Variants in RALGPS1 observed in about 807,000 individuals in gnomAD.
RALGPS1 encodes the protein Ral GEF with PH domain and SH3 binding motif 1.
A neutral mutation model predicts 78.8 loss-of-function variants in RALGPS1; 19 were observed. That is an observed-to-expected ratio of 0.24 (90% CI 0.17 to 0.35). The LOEUF (loss-of-function observed/expected upper bound fraction) is 0.35, where lower values mean the gene tolerates loss of function less well. RALGPS1 is among the 10% of genes least tolerant of loss of function. RALGPS1 has a pLI of 1.00. For synonymous variants in RALGPS1, 228 were observed against 256.3 expected (o/e 0.89, Z 1.06); for missense variants, 454 against 688.3 (o/e 0.66, Z 3.81).
intron 7 of RALGPS1, among the ~76,000 whole-genome samples, chr9:127,053,271 C>T (rs1450048124): frequency 1.3e-5 from 2 of 152,180 alleles, no homozygotes; most frequent in Non-Finnish European, 2.9e-5. Context: ...AGGCTCCAAA[C>T]TGTCCTTGGG....
chr9:127,192,847 G>C (rs1412319241), intron 11 of RALGPS1, among the ~76,000 whole-genome samples: 3 of 152,194 alleles, frequency 2.0e-5, no homozygotes, highest in African/African-American at 4.8e-5. Context: ...AGAAGCAGGA[G>C]AGTGTGGCAT....
At position 127,178,860 on chromosome 9, in the gene RALGPS1, T is replaced by TCCGTGGCACTTCCTTCTGCC. The variant is rs2060043417; in HGVS notation, c.910+4080_910+4081insGTGGCACTTCCTTCTGCCCC. On this transcript the variant is annotated intron_variant, in intron 11 of 18. Coordinates refer to ENST00000259351, the MANE Select transcript of RALGPS1 (RefSeq NM_014636.3). The stretch of plus-strand genomic sequence containing the variant: ...TCCTTCCTGCAACTGGCCCTCATGC[T>TCCGTGGCACTTCCTTCTGCC]CCTCCGTGGCACTTCCTTCTGCAGT... Among the ~76,000 whole-genome samples, 4 of 152,036 alleles carry TCCGTGGCACTTCCTTCTGCC rather than the reference T, an allele frequency of 2.6e-5. No individual in the cohort carries two copies. The South Asian group carries it at 8.3e-4, about 32-fold the overall frequency.
intron 5 of RALGPS1, among the ~76,000 whole-genome samples, chr9:127,046,060 T>C (rs996032357): frequency 2.6e-5 from 4 of 152,160 alleles, no homozygotes; most frequent in African/African-American, 9.7e-5. Flanking sequence ...GTCAAAGGGA[T>C]GCAGGAGCCA....
chr9:126,967,626 T>A (rs1270085121), intron 3 of RALGPS1, among the ~76,000 whole-genome samples: 1 of 152,152 alleles, frequency 6.6e-6, no homozygotes, highest in Non-Finnish European at 1.5e-5. Context: ...AGCCTCAATC[T>A]CCCTGGCTCA....
In RALGPS1 at chr9:127,091,561, G is replaced by A; in HGVS notation, c.610+22205G>A. ...CAGGGTCAGGCAGCTTGGCCCAGCT[G>A]CTTCTCACCCTGGGATCTTCCCGTT... On this transcript the variant is annotated intron_variant, in intron 8 of 18. Coordinates refer to ENST00000259351, the MANE Select transcript of RALGPS1 (RefSeq NM_014636.3). The surrounding 1 kb of genome is among the most constrained non-coding windows in gnomAD (Gnocchi z 4.3). 2 of 1,452,012 alleles carry A rather than the reference G, an allele frequency of 1.4e-6. No homozygotes were observed. Among genetic ancestry groups the A allele is most frequent in the Non-Finnish European group, 1.9e-6 (2 of 1,079,132 alleles). 89.9% of individuals were successfully genotyped at this position (1,452,012 alleles called of 1,614,324 possible). A position where few individuals can be genotyped will look rare whatever the true frequency, so the allele number is the denominator to read the frequency against.
intron 5 of RALGPS1, among the ~76,000 whole-genome samples, chr9:127,043,307 A>C (rs535125321): frequency 1.9e-4 from 29 of 152,116 alleles, no homozygotes; most frequent in Non-Finnish European, 3.5e-4. Context: ...ACCTACACAA[A>C]TATGGTCAGC....
At chr9:127,107,460 G>T (rs539246976) in intron 8 of RALGPS1, among the ~76,000 whole-genome samples, 3 of 152,212 alleles carry the variant, frequency 2.0e-5, no homozygotes, top group Non-Finnish European at 4.4e-5. Flanking sequence ...CCTACAATGT[G>T]TTTATCATAT....
chr9:127,207,636 G>A (rs555441367), intron 14 of RALGPS1, among the ~76,000 whole-genome samples: 4 of 152,342 alleles, frequency 2.6e-5, no homozygotes, highest in East Asian at 1.9e-4. Context: ...AGACACTTTC[G>A]GTTGTCTGGT....
At chr9:127,165,837 A>G (rs900461192) in intron 8 of RALGPS1, among the ~76,000 whole-genome samples, 1 of 152,252 alleles carries the variant, frequency 6.6e-6, no homozygotes, top group Non-Finnish European at 1.5e-5. Flanking sequence ...TGAACTAGAA[A>G]TGCTAAAATC....
At chr9:127,116,201 T>G (rs1281894522) in intron 8 of RALGPS1, among the ~76,000 whole-genome samples, 1 of 152,086 alleles carries the variant, frequency 6.6e-6, no homozygotes, top group Non-Finnish European at 1.5e-5. Context: ...GGAGTAGCAC[T>G]GGGGGTTCGA....
intron 1 of RALGPS1, among the ~76,000 whole-genome samples, chr9:126,952,572 G>T (rs926264246): frequency 2.6e-5 from 4 of 152,056 alleles, no homozygotes; most frequent in African/African-American, 9.7e-5. Flanking sequence ...AGAGTAATGG[G>T]TGCCCTAGTG....
At chr9:127,024,496 T>G (rs2045787651) in intron 4 of RALGPS1, among the ~76,000 whole-genome samples, 1 of 151,632 alleles carries the variant, frequency 6.6e-6, no homozygotes, top group Admixed American at 6.6e-5. Context: ...CATTGCCTAA[T>G]TAATGAGCTT....
chr9:127,007,261 A>G (rs1414241502), intron 4 of RALGPS1, among the ~76,000 whole-genome samples: 1 of 152,232 alleles, frequency 6.6e-6, no homozygotes, highest in African/African-American at 2.4e-5. Context: ...TACTTTTTCC[A>G]AACACTTTGC....
intron 8 of RALGPS1, among the ~76,000 whole-genome samples, chr9:127,092,366 G>A (rs1306749165): frequency 6.6e-6 from 1 of 152,102 alleles, no homozygotes; most frequent in Non-Finnish European, 1.5e-5. Context: ...AAGCTGTAAC[G>A]CACCAGACGG....
At chr9:127,099,917 G>A (rs1221454570) in intron 8 of RALGPS1, among the ~76,000 whole-genome samples, 2 of 152,236 alleles carry the variant, frequency 1.3e-5, no homozygotes, top group African/African-American at 4.8e-5. Context: ...GGGCCAATGA[G>A]TGTTTCAGGA....
intron 8 of RALGPS1, among the ~76,000 whole-genome samples, chr9:127,081,045 G>A (rs2051120272): frequency 6.6e-6 from 1 of 152,204 alleles, no homozygotes; most frequent in Non-Finnish European, 1.5e-5. Flanking sequence ...AGTGCTGGAA[G>A]TGGAATTGCT....
At chr9:127,203,317 T>G (rs1268877997) in intron 14 of RALGPS1, among the ~76,000 whole-genome samples, 1 of 152,216 alleles carries the variant, frequency 6.6e-6, no homozygotes. Flanking sequence ...GAAAAACAAT[T>G]AACATTTAAC....
At chr9:127,025,389 G>A (rs2045880797) in intron 4 of RALGPS1, among the ~76,000 whole-genome samples, 2 of 152,094 alleles carry the variant, frequency 1.3e-5, no homozygotes, top group Admixed American at 1.3e-4. Context: ...GACATATATT[G>A]GTATTGGGTA....
At chr9:127,015,305 A>G (rs1412552204) in intron 4 of RALGPS1, among the ~76,000 whole-genome samples, 2 of 152,140 alleles carry the variant, frequency 1.3e-5, no homozygotes, top group African/African-American at 4.8e-5. Flanking sequence ...CTGAATCTCA[A>G]TTTTAGTTAT....
Sources: allele counts gnomAD v4.1 joint callset (sites outside exome capture counted in the v4.1 genomes callset), GRCh38; gene constraint gnomAD v4.1.1; non-coding constraint Gnocchi (gnomAD v3.1); transcripts MANE v1.5; gene names NCBI Gene and HGNC (gene_info 2026-07-23, HGNC 2026-07-21).